The following RIMKLB variants were observed in gnomAD, a reference collection of about 807,000 sequenced individuals.
RIMKLB encodes the protein ribosomal modification protein rimK like family member B, also known as beta-citrylglutamate synthase B.
A neutral mutation model predicts 32.0 loss-of-function variants in RIMKLB; 7 were observed. The observed-to-expected ratio is 0.22, with a 90% confidence interval of 0.12 to 0.41. The LOEUF is 0.41. Ranked by LOEUF, RIMKLB falls within the 10% of genes least tolerant of loss-of-function variation. The pLI, the probability that RIMKLB is intolerant of heterozygous loss-of-function variation, is 1.00. For missense variants in RIMKLB, 289 were observed against 498.7 expected (o/e 0.58, Z 4.00); for synonymous variants, 172 against 185.1 (o/e 0.93, Z 0.57).
intron 5 of RIMKLB, among the ~76,000 whole-genome samples, chr12:8,765,584 C>T (rs1388871709): frequency 2.0e-5 from 3 of 152,114 alleles, no homozygotes; most frequent in South Asian, 2.1e-4. Context: ...TAATTTGCCC[C>T]GGTCTATTTT....
chr12:8,702,870 A>G (rs1943523342), intron 1 of RIMKLB, among the ~76,000 whole-genome samples: 1 of 152,246 alleles, frequency 6.6e-6, no homozygotes, highest in South Asian at 2.1e-4. Flanking sequence ...AAGGCCAGAC[A>G]TTTATCATGT....
upstream of RIMKLB, among the ~76,000 whole-genome samples, chr12:8,692,607 C>T (rs1412758091): frequency 1.3e-5 from 2 of 152,210 alleles, no homozygotes; most frequent in Non-Finnish European, 2.9e-5. Context: ...TTTCTTTCCA[C>T]CCATTCTTTC....
At chr12:8,760,968 CTCAGTTTTATTTAGCTATCCTAATAAGGA>C (rs1241511672) in intron 5 of RIMKLB, among the ~76,000 whole-genome samples, 2 of 152,092 alleles carry the variant, frequency 1.3e-5, no homozygotes, top group African/African-American at 2.4e-5. Flanking sequence ...AGGTTCACAG[CTCAGTTTTATTTAGCTATCCTAATAAGGA>C]TCCTTAAGAC....
At chr12:8,702,009 A>T (rs908371538) in intron 1 of RIMKLB, among the ~76,000 whole-genome samples, 10 of 129,522 alleles carry the variant, frequency 7.7e-5, no homozygotes, top group East Asian at 6.3e-4. Flanking sequence ...CCATCTCAAT[A>T]AAAAAAAAAA....
rs1946283340 is a variant in RIMKLB, at chr12:8,728,849, C to G, written c.175+14808C>G. Reference sequence around the variant, plus strand: ...GATGGAGTTTGCCATTTTGCCCAGGCTGGTCTTGAACTTTTAGGCTCAAAT... The same window carrying G: ...GATGGAGTTTGCCATTTTGCCCAGGGTGGTCTTGAACTTTTAGGCTCAAAT... On this transcript the variant is annotated intron_variant, in intron 2 of 5. Coordinates refer to ENST00000535829, the MANE Select transcript of RIMKLB (RefSeq NM_001297776.2). Among the ~76,000 whole-genome samples, 4 of 152,034 alleles carry G rather than the reference C, an allele frequency of 2.6e-5. No homozygotes were observed. In the South Asian group the frequency reaches 8.3e-4, roughly 32 times the overall value.
intron 1 of RIMKLB, among the ~76,000 whole-genome samples, chr12:8,688,708 CTT>C (rs1352159701): frequency 6.6e-6 from 1 of 150,494 alleles, no homozygotes; most frequent in Non-Finnish European, 1.5e-5. Context: ...ATTAAAAAAA[CTT>C]GTTGTTGTTA....
chr12:8,762,697 T>C (rs1358146999), intron 5 of RIMKLB, among the ~76,000 whole-genome samples: 1 of 152,226 alleles, frequency 6.6e-6, no homozygotes, highest in Non-Finnish European at 1.5e-5. Context: ...CTTCTAATTC[T>C]AGTGCCTGAA....
At chr12:8,698,587 C>A (rs115158006) in intron 1 of RIMKLB, among the ~76,000 whole-genome samples, 1 of 152,108 alleles carries the variant, frequency 6.6e-6, no homozygotes, top group Non-Finnish European at 1.5e-5. Flanking sequence ...GCGGCGACTT[C>A]GGGCGTGTAA....
the RIMKLB span, among the ~76,000 whole-genome samples, chr12:8,671,512 C>T: frequency 2.0e-5 from 3 of 152,212 alleles, no homozygotes; most frequent in Non-Finnish European, 4.4e-5. Context: ...GGCCTTCCAG[C>T]GTGCTGGGAT....
intron 2 of RIMKLB, among the ~76,000 whole-genome samples, chr12:8,722,516 A>G (rs775025391): frequency 6.6e-6 from 1 of 152,312 alleles, no homozygotes; most frequent in South Asian, 2.1e-4. Context: ...TAAGAACCCT[A>G]GGATTTTTGG....
At position 8,722,541 on chromosome 12, in the gene RIMKLB, A is replaced by G. The variant is rs138721850; in HGVS notation, c.175+8500A>G. The stretch of plus-strand genomic sequence containing the variant: ...AGGATTTTTGGAATGCTAAATGAGC[A>G]TTGGTTTCAACTTACAGTCACCAGC... On this transcript the variant is annotated intron_variant, in intron 2 of 5. Coordinates refer to ENST00000535829, the MANE Select transcript of RIMKLB (RefSeq NM_001297776.2). 1.8e-3 allele frequency among the ~76,000 whole-genome samples: 279 copies of G among 152,308 alleles called. 3 individuals are homozygous for G. The highest frequency in any genetic ancestry group is 6.3e-3 in the African/African-American group (261 of 41,568).
At chr12:8,716,725 C>CTTTTTTTTTTTTTT (rs71451981) in intron 2 of RIMKLB, among the ~76,000 whole-genome samples, 17 of 95,154 alleles carry the variant, frequency 1.8e-4, no homozygotes, top group Non-Finnish European at 2.4e-4. Context: ...TCTTTTCCTT[C>CTTTTTTTTTTTTTT]TTTTTTTTTT....
intron 2 of RIMKLB, among the ~76,000 whole-genome samples, chr12:8,722,234 A>AT (rs1945520637): frequency 6.7e-6 from 1 of 148,874 alleles, no homozygotes; most frequent in South Asian, 2.1e-4. Context: ...AAAAAAAAAA[A>AT]TTACTTCTTG....
chr12:8,691,267 A>C (rs1473200369), intron 1 of RIMKLB, among the ~76,000 whole-genome samples: 1 of 152,074 alleles, frequency 6.6e-6, no homozygotes, highest in Non-Finnish European at 1.5e-5. Flanking sequence ...CTGGGACTAT[A>C]GGCATGTGCC....
intron 1 of RIMKLB, among the ~76,000 whole-genome samples, chr12:8,704,382 CA>C (rs536532279): frequency 0.031 from 3,953 of 126,296 alleles, 118 homozygotes; most frequent in African/African-American, 0.088. Context: ...GACCCTGTCT[CA>C]AAAAAAAAAA....
At chr12:8,766,511 G>A (rs1252174704) in intron 5 of RIMKLB, among the ~76,000 whole-genome samples, 1 of 152,100 alleles carries the variant, frequency 6.6e-6, no homozygotes, top group Non-Finnish European at 1.5e-5. Context: ...TTTTGAGTCG[G>A]GATTGAGATA....
At chr12:8,751,415 A>G (rs1468045843) in intron 3 of RIMKLB, among the ~76,000 whole-genome samples, 1 of 152,216 alleles carries the variant, frequency 6.6e-6, no homozygotes, top group African/African-American at 2.4e-5. Context: ...TTGGGCAATA[A>G]AAAGAATAAG....
chr12:8,743,845 T>C (rs897195529), intron 2 of RIMKLB, among the ~76,000 whole-genome samples: 3 of 152,020 alleles, frequency 2.0e-5, no homozygotes, highest in Non-Finnish European at 2.9e-5. Flanking sequence ...CCGAAACTTA[T>C]ATCTAAAATA....
At chr12:8,744,177 C>T (rs1317176449) in intron 2 of RIMKLB, among the ~76,000 whole-genome samples, 3 of 151,960 alleles carry the variant, frequency 2.0e-5, no homozygotes, top group Non-Finnish European at 4.4e-5. Flanking sequence ...GCTCATAAGG[C>T]AGAGTCCTAA....
Sources: gnomAD v4.1 joint callset for allele counts (sites outside exome capture counted in the v4.1 genomes callset) on GRCh38, gnomAD v4.1.1 for gene constraint, MANE v1.5 for transcripts, NCBI Gene and HGNC (gene_info 2026-07-23, HGNC 2026-07-21) for gene names.